The following GALNT17 variants were observed in gnomAD, a reference collection of about 807,000 sequenced individuals.
The protein encoded by GALNT17 is polypeptide N-acetylgalactosaminyltransferase 17.
In GALNT17, 29 loss-of-function variants were observed where a neutral mutation model predicts 63.7. The observed-to-expected ratio is 0.46, with a 90% CI of 0.34 to 0.62. GALNT17 has a LOEUF of 0.62. Among genes scored for constraint, GALNT17 ranks in the 20% least tolerant of loss-of-function variants. The pLI is 0.01. For synonymous variants in GALNT17, 305 were observed against 318.3 expected (o/e 0.96, Z 0.45); for missense variants, 603 against 799.6 (o/e 0.75, Z 2.97).
intron 1 of GALNT17, among the ~76,000 whole-genome samples, chr7:71,304,140 G>T (rs965643436): frequency 1.3e-5 from 2 of 152,124 alleles, no homozygotes; most frequent in African/African-American, 4.8e-5. Flanking sequence ...GCAATTAGGG[G>T]AACCACGTAG....
intron 1 of GALNT17, among the ~76,000 whole-genome samples, chr7:71,246,862 T>G (rs948892427): frequency 5.9e-5 from 9 of 151,490 alleles, no homozygotes; most frequent in African/African-American, 2.2e-4. Context: ...ATGAATACCC[T>G]TTAGAAGCTT....
At chr7:71,694,907 C>T (rs1194735106) in intron 9 of GALNT17, among the ~76,000 whole-genome samples, 1 of 152,148 alleles carries the variant, frequency 6.6e-6, no homozygotes, top group Non-Finnish European at 1.5e-5. Flanking sequence ...GCTGGTTGAG[C>T]CGTGGTACAG....
At chr7:71,326,313 C>A (rs1398673483) in intron 1 of GALNT17, among the ~76,000 whole-genome samples, 1 of 152,068 alleles carries the variant, frequency 6.6e-6, no homozygotes, top group Non-Finnish European at 1.5e-5. Flanking sequence ...AGAAAATTAG[C>A]CATGCAGGAT....
rs370411023 is a variant in GALNT17, at chr7:71,168,705, A to G, written c.238+35665A>G. 4.7e-3 allele frequency among the ~76,000 whole-genome samples: 701 copies of G among 149,158 alleles called. 8 individuals carry two copies. Among genetic ancestry groups the G allele is most frequent in the African/African-American group, 5.9e-3 (240 of 40,478 alleles). ...TCCATCAGCTCACATAGTTACGTGT[A>G]TGTGTGTGTGTGTGTGTGTGTGTGT... is the stretch of plus-strand genomic sequence containing the variant. On this transcript the variant is annotated intron_variant, in intron 1 of 10. Transcript: ENST00000333538.
chr7:71,710,668 A>G, intron 9 of GALNT17, 93 bp from the exon 10 acceptor site: 1 of 1,419,564 alleles, frequency 7.0e-7, no homozygotes, highest in Non-Finnish European at 9.7e-7. Flanking sequence ...GACAAACAGC[A>G]GGAGTAAAGC....
chr7:71,657,109 G>T (rs183292177), intron 6 of GALNT17, among the ~76,000 whole-genome samples: 40 of 152,238 alleles, frequency 2.6e-4, no homozygotes, highest in Admixed American at 9.2e-4. Flanking sequence ...AAAAGTCACA[G>T]GACAAGACCA....
intron 5 of GALNT17, among the ~76,000 whole-genome samples, chr7:71,432,958 C>G (rs111393095): frequency 2.6e-5 from 4 of 152,238 alleles, no homozygotes; most frequent in African/African-American, 9.6e-5. Context: ...AACAGGCATG[C>G]ACCACCACAC....
chr7:71,571,277 T>C lies in GALNT17; in HGVS notation c.963-8T>C. The C allele has an allele frequency of 6.2e-7, 1 of 1,613,516 alleles. No individual in the cohort carries two copies. On this transcript the variant is annotated splice_region_variant and splice_polypyrimidine_tract_variant and intron_variant, in intron 5 of 10. Coordinates refer to ENST00000333538, the MANE Select transcript of GALNT17 (RefSeq NM_022479.3). Reference sequence around the variant, plus strand: ...TCAATGAGCTTCCCTTCTTTCTCCCTCCCTCAGGACCCCAGCCATGATAGG... The same window carrying C: ...TCAATGAGCTTCCCTTCTTTCTCCCCCCCTCAGGACCCCAGCCATGATAGG...
rs536588750 is a variant in GALNT17 at position 71,680,861 on chromosome 7, T to G, written c.1500+3555T>G. 2.4e-5 allele frequency among the ~76,000 whole-genome samples: 3 copies of G among 122,542 alleles called. No individual in the cohort carries two copies. In the South Asian group the frequency reaches 7.5e-4, roughly 31 times the overall value. 80.4% of individuals were successfully genotyped at this position (122,542 alleles called of 152,430 possible). A position where few individuals can be genotyped will look rare whatever the true frequency, so the allele number is the denominator to read the frequency against. ...TCTTCCTTTCCTTTCCTTTTTTCTT[T>G]CCTTCCTTCCTTCCTTCCTTTTCTT... is the stretch of plus-strand genomic sequence containing the variant. On this transcript the variant is annotated intron_variant, in intron 9 of 10. Transcript: ENST00000333538.
At position 71,263,879 on chromosome 7, in the gene GALNT17, A is replaced by C. The variant is rs548665086; in HGVS notation, c.239-71671A>C. ...GCGGAGCTTGCAGTGAGCCGAGATC[A>C]CACCACTGCACTCCAGCCTGGGCGA... On this transcript the variant is annotated intron_variant, in intron 1 of 10. Transcript: ENST00000333538. Among the ~76,000 whole-genome samples, 20 of 151,868 alleles carry C rather than the reference A, an allele frequency of 1.3e-4. No individual in the cohort carries two copies. In the South Asian group the frequency reaches 3.7e-3, roughly 28 times the overall value.
chr7:71,154,425 C>T (rs1788193261), intron 1 of GALNT17, among the ~76,000 whole-genome samples: 1 of 152,150 alleles, frequency 6.6e-6, no homozygotes, highest in Non-Finnish European at 1.5e-5. Flanking sequence ...AAAATAAGTA[C>T]AGTCATTGTT....
Position 71,409,941 on chromosome 7 carries a change from G to A in GALNT17, c.590-5948G>A, listed in dbSNP as rs76138755. Among the ~76,000 whole-genome samples, 209 of 152,266 alleles carry A rather than the reference G, an allele frequency of 1.4e-3. 1 individual carries two copies. Among genetic ancestry groups the A allele is most frequent in the African/African-American group, 4.9e-3 (203 of 41,552 alleles). ...AAAGGGGATGAAATTATCAAGATGT[G>A]GAAACTGCGTTCTTTGGTGAGTCAG... On this transcript the variant is annotated intron_variant, in intron 3 of 10. Transcript: ENST00000333538.
chr7:71,272,008 C>G (rs1340215120), intron 1 of GALNT17, among the ~76,000 whole-genome samples: 17 of 152,206 alleles, frequency 1.1e-4, no homozygotes. Flanking sequence ...GTCCTCCTGC[C>G]TCGGCCTCCC....
rs538489537 is a variant in GALNT17 at position 71,229,848 on chromosome 7, G to A, written c.238+96808G>A. On this transcript the variant is annotated intron_variant, in intron 1 of 10. Transcript: ENST00000333538. ...CCAGGCAGGGCACATTCTCACTTGGGTCACCTCCGTGGCCGGAAGGGTAAT... is the reference window on the plus strand; with the variant it reads ...CCAGGCAGGGCACATTCTCACTTGGATCACCTCCGTGGCCGGAAGGGTAAT... 5.3e-5 allele frequency among the ~76,000 whole-genome samples: 8 copies of A among 152,330 alleles called. No homozygotes were observed. The South Asian group carries it at 1.7e-3, about 32-fold the overall frequency.
intron 3 of GALNT17, among the ~76,000 whole-genome samples, chr7:71,392,805 T>C (rs535943294): frequency 1.3e-5 from 2 of 151,390 alleles, no homozygotes; most frequent in East Asian, 3.9e-4. Context: ...AGTTCCTGGT[T>C]CTGTTCTCTA....
chr7:71,645,163 G>T (rs866535133), intron 6 of GALNT17, among the ~76,000 whole-genome samples: 13 of 152,346 alleles, frequency 8.5e-5, no homozygotes, highest in Middle Eastern at 3.4e-3. Context: ...GCCTTTGCCT[G>T]TAAGAATTAG....
At chr7:71,600,990 G>T (rs766195783) in intron 6 of GALNT17, among the ~76,000 whole-genome samples, 1 of 151,878 alleles carries the variant, frequency 6.6e-6, no homozygotes, top group East Asian at 1.9e-4. Flanking sequence ...TAGCTCCCAC[G>T]TATCAGTGAG....
chr7:71,259,675 T>C (rs1385438685), intron 1 of GALNT17, among the ~76,000 whole-genome samples: 1 of 149,940 alleles, frequency 6.7e-6, no homozygotes. Flanking sequence ...GGAGTCTTGC[T>C]CTGTCACTCA....
At chr7:71,684,013 A>AG (rs1158121637) in intron 9 of GALNT17, among the ~76,000 whole-genome samples, 9 of 149,050 alleles carry the variant, frequency 6.0e-5, no homozygotes, top group Non-Finnish European at 1.0e-4. Flanking sequence ...TGTCTCAAAA[A>AG]AAAAAAAAAA....
Sources: allele counts gnomAD v4.1 joint callset (sites outside exome capture counted in the v4.1 genomes callset), GRCh38; gene constraint gnomAD v4.1.1; transcripts MANE v1.5; gene names NCBI Gene and HGNC (gene_info 2026-07-23, HGNC 2026-07-21).